Variants in HMGCLL1 observed in about 807,000 individuals in gnomAD.
HMGCLL1 encodes 3-hydroxymethyl-3-methylglutaryl-CoA lyase, cytoplasmic.
A neutral mutation model predicts 39.1 loss-of-function variants in HMGCLL1; 36 were observed. That is an observed-to-expected ratio of 0.92 (90% confidence interval 0.71 to 1.22). The LOEUF (loss-of-function observed/expected upper bound fraction) is 1.22, where lower values mean the gene tolerates loss of function less well. Ranked by LOEUF, HMGCLL1 falls within the 50% of genes most tolerant of loss-of-function variation. HMGCLL1 has a pLI of 0.00. For missense variants in HMGCLL1, 451 were observed against 416.5 expected, an observed-to-expected ratio of 1.08 and a Z score of -0.72; for synonymous variants, 149 against 144.0, an observed-to-expected ratio of 1.03 and a Z score of -0.25.
intron 5 of HMGCLL1, among the ~76,000 whole-genome samples, chr6:55,503,719 A>G (rs995996598): frequency 4.0e-5 from 6 of 151,630 alleles, no homozygotes; most frequent in African/African-American, 1.5e-4. Flanking sequence ...TATTTCTTTC[A>G]CATAAACCTG....
At chr6:55,678,041 C>A in the HMGCLL1 span, among the ~76,000 whole-genome samples, 1 of 152,152 alleles carries the variant, frequency 6.6e-6, no homozygotes, top group African/African-American at 2.4e-5. Flanking sequence ...AGCCTCCAGA[C>A]TCTTCTCATA....
chr6:55,517,534 A>G (rs980355991), intron 3 of HMGCLL1, among the ~76,000 whole-genome samples: 21 of 152,082 alleles, frequency 1.4e-4, no homozygotes, highest in Admixed American at 1.2e-3. Flanking sequence ...AGAAATGCAG[A>G]AAAAGGGCTA....
chr6:55,508,742 T>C (rs187938826), intron 5 of HMGCLL1, among the ~76,000 whole-genome samples: 12 of 152,014 alleles, frequency 7.9e-5, no homozygotes, highest in Admixed American at 5.3e-4. Flanking sequence ...TGTAAGTGAC[T>C]GTATGGACTA....
intron 7 of HMGCLL1, among the ~76,000 whole-genome samples, chr6:55,449,645 T>C (rs1443696525): frequency 2.6e-5 from 4 of 152,244 alleles, no homozygotes; most frequent in Non-Finnish European, 1.5e-5. Context: ...TTTTAATTTT[T>C]TTCCTCTTTT....
the HMGCLL1 span, among the ~76,000 whole-genome samples, chr6:55,614,950 G>A: frequency 3.3e-3 from 494 of 151,958 alleles, 4 homozygotes; most frequent in Middle Eastern, 0.01. Flanking sequence ...AAAGCAGCGT[G>A]AGCAGTATAA....
At chr6:55,449,841 C>A (rs1043076264) in intron 7 of HMGCLL1, among the ~76,000 whole-genome samples, 1 of 152,168 alleles carries the variant, frequency 6.6e-6, no homozygotes, top group Non-Finnish European at 1.5e-5. Flanking sequence ...ACAGTATATT[C>A]TCAATTCCTT....
the HMGCLL1 span, among the ~76,000 whole-genome samples, chr6:55,631,307 T>A: frequency 1.3e-5 from 2 of 152,138 alleles, no homozygotes; most frequent in East Asian, 3.9e-4. Context: ...GAAGACTTTT[T>A]TTTATATGCA....
chr6:55,464,617 C>T (rs1764718844), intron 7 of HMGCLL1, among the ~76,000 whole-genome samples: 1 of 152,120 alleles, frequency 6.6e-6, no homozygotes, highest in Non-Finnish European at 1.5e-5. Context: ...TACATACCTA[C>T]AGAGGCTCCC....
chr6:55,553,248 C>CGTGTGT lies in HMGCLL1; in HGVS notation c.109-11114_109-11109dup, dbSNP rs70986735. On this transcript the variant is annotated intron_variant, in intron 1 of 8. Transcript: ENST00000274901. Reference sequence around the variant, plus strand: ...ATATATACATGTATTTACATATATACGTGTGTGTGTGTGTGTGTGTGTATG... The same window carrying CGTGTGT: ...ATATATACATGTATTTACATATATACGTGTGTGTGTGTGTGTGTGTGTGTGTGTATG... Among the ~76,000 whole-genome samples the CGTGTGT allele has an allele frequency of 9.5e-3, 1,369 of 143,684 alleles. 17 individuals are homozygous for CGTGTGT. Among genetic ancestry groups the CGTGTGT allele is most frequent in the African/African-American group, 0.025 (990 of 38,910 alleles). The allele number at this position is 143,684 out of a possible 152,430, so 94.3% of individuals were successfully genotyped here. A position where few individuals can be genotyped will look rare whatever the true frequency, so the allele number is the denominator to read the frequency against.
chr6:55,600,508 A>C, the HMGCLL1 span, among the ~76,000 whole-genome samples: 1 of 152,104 alleles, frequency 6.6e-6, no homozygotes, highest in Non-Finnish European at 1.5e-5. Flanking sequence ...TTAATTAAAT[A>C]ATTTAATTCT....
intron 7 of HMGCLL1, among the ~76,000 whole-genome samples, chr6:55,455,690 A>G (rs559705362): frequency 6.6e-6 from 1 of 152,278 alleles, no homozygotes; most frequent in South Asian, 2.1e-4. Flanking sequence ...ATTTTGGTTG[A>G]TTATGGGGGA....
the HMGCLL1 span, among the ~76,000 whole-genome samples, chr6:55,638,689 C>T: frequency 6.6e-6 from 1 of 152,090 alleles, no homozygotes; most frequent in African/African-American, 2.4e-5. Context: ...GATAAGGCTG[C>T]CTAATCCACA....
intron 8 of HMGCLL1, among the ~76,000 whole-genome samples, chr6:55,437,688 T>G (rs7776283): frequency 0.45 from 67,640 of 151,782 alleles, 15,237 homozygotes; most frequent in African/African-American, 0.5. Context: ...CCACTGATCC[T>G]TGCTCAAGCA....
the HMGCLL1 span, among the ~76,000 whole-genome samples, chr6:55,629,830 G>A: frequency 6.6e-6 from 1 of 152,172 alleles, no homozygotes; most frequent in Non-Finnish European, 1.5e-5. Context: ...GCCTGTGAGT[G>A]CACAGACATC....
At chr6:55,553,182 C>T (rs71548699) in intron 1 of HMGCLL1, among the ~76,000 whole-genome samples, 1,496 of 12,514 alleles carry the variant, frequency 0.12, 15 homozygotes, top group South Asian at 0.44. Flanking sequence ...TATACATACA[C>T]ACACACACAC....
At chr6:55,677,259 G>A in the HMGCLL1 span, among the ~76,000 whole-genome samples, 1 of 152,116 alleles carries the variant, frequency 6.6e-6, no homozygotes, top group South Asian at 2.1e-4. Flanking sequence ...GCATGACGCT[G>A]CACACCTGTG....
intron 1 of HMGCLL1, among the ~76,000 whole-genome samples, chr6:55,543,933 G>C (rs1265386969): frequency 2.6e-5 from 4 of 151,904 alleles, no homozygotes; most frequent in Admixed American, 1.3e-4. Flanking sequence ...AGGTATACAG[G>C]ATGCCACCCT....
At chr6:55,612,192 A>C in the HMGCLL1 span, among the ~76,000 whole-genome samples, 6 of 152,156 alleles carry the variant, frequency 3.9e-5, no homozygotes, top group Admixed American at 3.9e-4. Flanking sequence ...ATGAACTCCC[A>C]TTCATAATTG....
the HMGCLL1 span, among the ~76,000 whole-genome samples, chr6:55,675,346 C>T: frequency 1.3e-5 from 2 of 152,070 alleles, no homozygotes; most frequent in Non-Finnish European, 2.9e-5. Flanking sequence ...TGAACATTAG[C>T]CTTGAACATA....
Sources: allele counts gnomAD v4.1 joint callset (sites outside exome capture counted in the v4.1 genomes callset), GRCh38; gene constraint gnomAD v4.1.1; transcripts MANE v1.5; gene names NCBI Gene and HGNC (gene_info 2026-07-23, HGNC 2026-07-21).